Variants in PCDH11X observed in about 807,000 individuals in gnomAD.
PCDH11X encodes the protein protocadherin-11 X-linked.
In PCDH11X, 18 loss-of-function variants were observed where a neutral mutation model predicts 53.3. The ratio of observed to expected loss-of-function variants is 0.34; its 90% CI spans 0.23 to 0.50. PCDH11X has a LOEUF of 0.50. Among genes scored for constraint, PCDH11X ranks in the 20% least tolerant of loss-of-function variants. The probability of loss-of-function intolerance (pLI) is 0.98; values close to 1 mark genes in which losing one functional copy is unlikely to be tolerated. For synonymous variants in PCDH11X, 279 were observed against 393.3 expected, an observed-to-expected ratio of 0.71 and a Z score of 3.44; for missense variants, 570 against 1,032.4, an observed-to-expected ratio of 0.55 and a Z score of 6.14.
At chrX:91,830,111 G>A (rs942569354) in intron 4 of PCDH11X, among the ~76,000 whole-genome samples, 7 of 111,267 alleles carry the variant, frequency 6.3e-5, no homozygotes, top group African/African-American at 1.6e-4. Context: ...CAAAAATCCA[G>A]AAAAATTAAT....
At chrX:92,171,516 G>A (rs1485955427) in intron 6 of PCDH11X, among the ~76,000 whole-genome samples, 1 of 111,305 alleles carries the variant, frequency 9.0e-6, no homozygotes, top group Non-Finnish European at 1.9e-5. Flanking sequence ...CTGGCGTGCA[G>A]TAGTGTGATC....
chrX:92,399,416 A>T (rs1348181623), intron 9 of PCDH11X, among the ~76,000 whole-genome samples: 1 of 110,464 alleles, frequency 9.1e-6, no homozygotes, highest in Non-Finnish European at 1.9e-5. Context: ...TTAGCAGCTG[A>T]CCCAGGTAAA....
Position 92,618,913 on chromosome X carries a change from C to T in PCDH11X, c.4017C>T (p.Ser1339=). ...RQQARPSRGD[S]PIMEEHPL ...AGGCCAGACCGTCCAGAGGTGATTC[C>T]CCCATTATGGAAGAACATCCCTTGT... Residue 1339 remains serine (S), a synonymous_variant, in exon 11 of 11, where the codon TCC becomes TCT. Transcript: ENST00000682573. 1 of 1,211,880 alleles carries T rather than the reference C, an allele frequency of 8.3e-7. No individual in the cohort carries two copies. Among genetic ancestry groups the T allele is most frequent in the Non-Finnish European group, 1.1e-6 (1 of 895,495 alleles).
chrX:92,179,525 C>G (rs1195810246), intron 6 of PCDH11X, among the ~76,000 whole-genome samples: 1 of 111,388 alleles, frequency 9.0e-6, no homozygotes, highest in Non-Finnish European at 1.9e-5. Context: ...AACTGCTCAA[C>G]CATATGCTGG....
At chrX:92,149,434 TC>T (rs2065390582) in intron 6 of PCDH11X, among the ~76,000 whole-genome samples, 1 of 65,360 alleles carries the variant, frequency 1.5e-5, no homozygotes, top group Non-Finnish European at 3.1e-5. Context: ...TCTCTCACTC[TC>T]TCTCTCTCTC....
At chrX:92,108,783 C>A (rs1243654638) in intron 6 of PCDH11X, among the ~76,000 whole-genome samples, 1 of 111,688 alleles carries the variant, frequency 9.0e-6, no homozygotes, top group Non-Finnish European at 1.9e-5. Flanking sequence ...GAGGTAGGGA[C>A]ATAGAATTAA....
chrX:92,024,564 A>G (rs1399610702), intron 6 of PCDH11X, among the ~76,000 whole-genome samples: 10 of 109,279 alleles, frequency 9.2e-5, no homozygotes, highest in Non-Finnish European at 1.9e-4. Context: ...GGAAGAATCA[A>G]TATCGTGAAA....
intron 6 of PCDH11X, among the ~76,000 whole-genome samples, chrX:92,159,248 G>T (rs2759797): frequency 3.6e-5 from 4 of 110,144 alleles, no homozygotes; most frequent in African/African-American, 1.3e-4. Flanking sequence ...AGAATCTCTC[G>T]GTCTGCTGTA....
intron 6 of PCDH11X, among the ~76,000 whole-genome samples, chrX:92,048,267 T>C (rs1047853892): frequency 1.4e-4 from 15 of 107,773 alleles, no homozygotes; most frequent in Non-Finnish European, 2.5e-4. Context: ...CGACTTTCTC[T>C]CTCTTCCTCA....
intron 6 of PCDH11X, among the ~76,000 whole-genome samples, chrX:92,173,678 A>G (rs1472518361): frequency 2.7e-5 from 3 of 110,488 alleles, no homozygotes; most frequent in Non-Finnish European, 5.7e-5. Context: ...TGTATTTTGT[A>G]ATTTTATCTT....
chrX:92,597,907 C>A lies in PCDH11X; in HGVS notation c.3368-20357C>A, dbSNP rs1426643944. Reference sequence around the variant, plus strand: ...AGTGAACTCATTTTCTCCAAAAATGCTGAGAACATACACTGGGGAAAAGAC... The same window carrying A: ...AGTGAACTCATTTTCTCCAAAAATGATGAGAACATACACTGGGGAAAAGAC... On this transcript the variant is annotated intron_variant, in intron 10 of 10. Transcript: ENST00000682573. Among the ~76,000 whole-genome samples the A allele has an allele frequency of 6.3e-5, 7 of 111,517 alleles. No individual in the cohort carries two copies. The South Asian group carries it at 2.6e-3, about 42-fold the overall frequency.
At chrX:91,948,992 C>T (rs1287989251) in intron 6 of PCDH11X, among the ~76,000 whole-genome samples, 2 of 110,317 alleles carry the variant, frequency 1.8e-5, no homozygotes, top group East Asian at 2.9e-4. Context: ...GAGGGAAACC[C>T]AAGATCAGGT....
chrX:92,300,219 C>G (rs777673499), intron 8 of PCDH11X, among the ~76,000 whole-genome samples: 4 of 110,902 alleles, frequency 3.6e-5, no homozygotes, highest in African/African-American at 1.3e-4. Context: ...TATGTCTGAT[C>G]GTGTTGTCAA....
intron 6 of PCDH11X, among the ~76,000 whole-genome samples, chrX:92,084,554 A>AAG (rs1275249979): frequency 9.1e-6 from 1 of 110,246 alleles, no homozygotes; most frequent in African/African-American, 3.3e-5. Flanking sequence ...AAAAAAAAAA[A>AAG]GAAATAGTCT....
At position 91,948,814 on chromosome X, in the gene PCDH11X, T is replaced by A. The variant is rs1249834209; in HGVS notation, c.3033+69541T>A. On this transcript the variant is annotated intron_variant, in intron 6 of 10. Coordinates refer to ENST00000682573, the MANE Select transcript of PCDH11X (RefSeq NM_032968.5). ...GATAGAATATTACTAAGAGGAAACATCAGGCGTAAGGAGGATTCCTGCTAT... is the reference window on the plus strand; with the variant it reads ...GATAGAATATTACTAAGAGGAAACAACAGGCGTAAGGAGGATTCCTGCTAT... Among the ~76,000 whole-genome samples, 11 of 110,065 alleles carry A rather than the reference T, an allele frequency of 1.0e-4. No individual in the cohort carries two copies. In the Admixed American group the frequency reaches 1.1e-3, roughly 11 times the overall value.
At chrX:92,266,979 C>T (rs1187913392) in intron 8 of PCDH11X, among the ~76,000 whole-genome samples, 1 of 110,820 alleles carries the variant, frequency 9.0e-6, no homozygotes, top group Non-Finnish European at 1.9e-5. Flanking sequence ...TCCTGACCTC[C>T]AGTGATCTGC....
chrX:91,987,879 A>G (rs187439714), intron 6 of PCDH11X, among the ~76,000 whole-genome samples: 448 of 111,129 alleles, frequency 4.0e-3, no homozygotes, highest in Non-Finnish European at 6.2e-3. Flanking sequence ...AATTATTTAA[A>G]AACTATAAAA....
chrX:91,951,719 T>C (rs1386434390), intron 6 of PCDH11X, among the ~76,000 whole-genome samples: 3 of 108,489 alleles, frequency 2.8e-5, no homozygotes, highest in African/African-American at 1.0e-4. Context: ...ATAAATTGCA[T>C]GAATTTTTCT....
intron 6 of PCDH11X, among the ~76,000 whole-genome samples, chrX:92,031,393 G>T (rs1288339939): frequency 1.9e-5 from 2 of 106,928 alleles, no homozygotes. Context: ...TCCTTTATCA[G>T]ATGTGTAGCT....
Sources: allele counts gnomAD v4.1 joint callset (sites outside exome capture counted in the v4.1 genomes callset), GRCh38; gene constraint gnomAD v4.1.1; transcripts MANE v1.5; gene names NCBI Gene and HGNC (gene_info 2026-07-23, HGNC 2026-07-21).